ARHGAP17: variants seen among roughly 807,000 people sequenced by gnomAD.
ARHGAP17 encodes Rho GTPase activating protein 17.
In ARHGAP17, 57 loss-of-function variants were observed where a neutral mutation model predicts 99.5. The observed-to-expected ratio is 0.57, with a 90% CI of 0.46 to 0.71. The LOEUF is 0.71. Ranked by LOEUF, ARHGAP17 falls within the 30% of genes least tolerant of loss-of-function variation. ARHGAP17 has a pLI of 0.00. For synonymous variants in ARHGAP17, 417 were observed against 429.6 expected (o/e 0.97, Z 0.36); for missense variants, 1,000 against 1,122.4 (o/e 0.89, Z 1.56).
chr16:24,935,671 G>A, intron 17 of ARHGAP17, 32 bp from the exon 18 acceptor site: 1 of 1,605,564 alleles, frequency 6.2e-7, no homozygotes, highest in Non-Finnish European at 8.5e-7. Context: ...TTAGACGTCA[G>A]ACAATCCCAG....
chr16:24,941,756 T>A (rs2051318281), intron 16 of ARHGAP17: 1 of 554,978 alleles, frequency 1.8e-6, no homozygotes. Flanking sequence ...CACCACCAAG[T>A]TAAGCTGGAA....
intron 1 of ARHGAP17, among the ~76,000 whole-genome samples, chr16:24,996,194 G>A (rs2053187880): frequency 6.6e-6 from 1 of 152,102 alleles, no homozygotes; most frequent in South Asian, 2.1e-4. Flanking sequence ...ATCCCTCTCT[G>A]CACTGAAGAA....
At chr16:24,931,541 G>A (rs749853249) in intron 18 of ARHGAP17, 137 bp from the exon 19 acceptor site, 19 of 837,690 alleles carry the variant, frequency 2.3e-5, no homozygotes, top group South Asian at 5.9e-5. Flanking sequence ...TGGTCAGGAG[G>A]GCACCACACT....
At chr16:24,924,996 T>C (rs1391387803) in intron 19 of ARHGAP17, among the ~76,000 whole-genome samples, 19 of 152,178 alleles carry the variant, frequency 1.2e-4, no homozygotes, top group Admixed American at 1.2e-3. Flanking sequence ...CCCAAACCAT[T>C]ATTTCCTCAG....
chr16:24,960,235 A>G (rs2051944769), intron 7 of ARHGAP17, among the ~76,000 whole-genome samples: 1 of 152,194 alleles, frequency 6.6e-6, no homozygotes, highest in Non-Finnish European at 1.5e-5. Flanking sequence ...ATGGTGTATT[A>G]ACATCTGGGT....
At chr16:24,929,220 CA>C in intron 19 of ARHGAP17, among the ~76,000 whole-genome samples, 1 of 150,750 alleles carries the variant, frequency 6.6e-6, no homozygotes, top group Non-Finnish European at 1.5e-5. Context: ...CTGCAGTGTG[CA>C]GTGACACAAT....
intron 13 of ARHGAP17, 121 bp downstream of exon 13, chr16:24,949,283 T>C (rs916533853): frequency 4.1e-5 from 28 of 681,572 alleles, no homozygotes; most frequent in Non-Finnish European, 5.5e-5. Flanking sequence ...CAAAGTGATG[T>C]GGTTTTTTTT....
chr16:24,948,390 A>C (rs1207219228), intron 13 of ARHGAP17, among the ~76,000 whole-genome samples: 1 of 152,216 alleles, frequency 6.6e-6, no homozygotes, highest in African/African-American at 2.4e-5. Flanking sequence ...GATGCATCCC[A>C]GGAGAGGAAC....
rs1422510869 is a variant in ARHGAP17 at position 24,920,411 on chromosome 16, A to G, written c.2516-151T>C. 6 of 858,854 alleles carry G rather than the reference A, an allele frequency of 7.0e-6. No homozygotes were observed. In the East Asian group the frequency reaches 1.6e-4, roughly 23 times the overall value. 53.2% of individuals were successfully genotyped at this position (858,854 alleles called of 1,614,324 possible). On this transcript the variant is annotated intron_variant, in intron 19 of 19. Transcript: ENST00000289968. ...GCGAGAGGCCTCATCAGCTCTTAGA[A>G]GCCAAGTGAAGCCTTTGTGACCCCA...
intron 10 of ARHGAP17, 122 bp downstream of exon 10, chr16:24,954,481 C>A (rs2051744162): frequency 3.6e-6 from 5 of 1,387,224 alleles, no homozygotes; most frequent in Non-Finnish European, 4.8e-6. Flanking sequence ...CTGTTCTACA[C>A]AAAACGGACA....
intron 1 of ARHGAP17, among the ~76,000 whole-genome samples, chr16:25,004,161 C>T (rs1384887069): frequency 1.3e-5 from 2 of 152,176 alleles, no homozygotes; most frequent in African/African-American, 2.4e-5. Flanking sequence ...CAGTGGCTCA[C>T]GTCTGTAATC....
chr16:24,932,662 G>A (rs1362415222), intron 18 of ARHGAP17, among the ~76,000 whole-genome samples: 1 of 152,114 alleles, frequency 6.6e-6, no homozygotes, highest in East Asian at 1.9e-4. Context: ...ATCTGGAAGA[G>A]TTGCCTTAGA....
chr16:24,930,910 G>C lies in ARHGAP17; in HGVS notation c.2389C>G (p.Pro797Ala). ...AQPHAGTLPRPRPVPKPRNRP... is the reference protein window; with the variant it reads ...AQPHAGTLPRARPVPKPRNRP... Reference sequence around the variant, plus strand: ...TTCCTTGGCTTTGGTACTGGTCTCGGTCTCGGTAAGGTTCCAGCATGTGGC... The same window carrying C: ...TTCCTTGGCTTTGGTACTGGTCTCGCTCTCGGTAAGGTTCCAGCATGTGGC... Residue 797 changes from proline to alanine, a missense_variant, in exon 19 of 20, where the codon CCG (proline) becomes GCG (alanine). By Grantham distance (27) the Pro-to-Ala change is conservative (BLOSUM62 -1). Around this residue, in one of 2 missense-constraint regions of ARHGAP17, gnomAD observed 528 missense variants for 511.4 expected, o/e 1.03. Transcript: ENST00000289968. 1 of 1,614,000 alleles carries C rather than the reference G, an allele frequency of 6.2e-7. No individual in the cohort carries two copies. The highest frequency in any genetic ancestry group is 1.1e-5 in the South Asian group (1 of 91,062).
At chr16:24,968,835 GTGGATC>G in intron 4 of ARHGAP17, 63 bp from the exon 5 acceptor site, 2 of 1,494,118 alleles carry the variant, frequency 1.3e-6, no homozygotes, top group Non-Finnish European at 1.9e-6. Context: ...GGATTATCGT[GTGGATC>G]AGTGCTGCTT....
At chr16:24,940,163 T>C (rs1382548759) in intron 16 of ARHGAP17, among the ~76,000 whole-genome samples, 1 of 152,160 alleles carries the variant, frequency 6.6e-6, no homozygotes, top group African/African-American at 2.4e-5. Flanking sequence ...GCCTCAAGTA[T>C]TCCTCCTGCC....
At chr16:24,968,910 G>A in intron 4 of ARHGAP17, 138 bp from the exon 5 acceptor site, 1 of 712,612 alleles carries the variant, frequency 1.4e-6, no homozygotes, top group South Asian at 1.8e-5. Flanking sequence ...TATTATAAAT[G>A]TAGGGTACTG....
intron 1 of ARHGAP17, among the ~76,000 whole-genome samples, chr16:24,985,851 C>T (rs113362728): frequency 2.0e-4 from 30 of 152,272 alleles, no homozygotes; most frequent in African/African-American, 7.2e-4. Flanking sequence ...CACCCATACA[C>T]ACACACACAG....
intron 1 of ARHGAP17, among the ~76,000 whole-genome samples, chr16:25,006,336 G>C (rs2053505317): frequency 6.6e-6 from 1 of 151,406 alleles, no homozygotes; most frequent in African/African-American, 2.4e-5. Flanking sequence ...TGTAGTCCCA[G>C]CTACTCAGGA....
chr16:24,994,072 G>A (rs1016140205), intron 1 of ARHGAP17, among the ~76,000 whole-genome samples: 3 of 152,170 alleles, frequency 2.0e-5, no homozygotes, highest in African/African-American at 7.2e-5. Context: ...ACACGTCACA[G>A]ATGTGGCCCA....
Sources: allele counts gnomAD v4.1 joint callset (sites outside exome capture counted in the v4.1 genomes callset), GRCh38; gene constraint gnomAD v4.1.1; regional missense constraint gnomAD v4.1.1; transcripts MANE v1.5; gene names NCBI Gene and HGNC (gene_info 2026-07-23, HGNC 2026-07-21).